The following CFTR variants were observed in gnomAD, a reference collection of about 807,000 sequenced individuals.
CFTR encodes cystic fibrosis transmembrane conductance regulator.
In CFTR, 181 loss-of-function variants were observed where a neutral mutation model predicts 171.6. The observed-to-expected ratio is 1.05, with a 90% CI of 0.93 to 1.19. The LOEUF is 1.19. Ranked by LOEUF, CFTR falls within the 50% of genes most tolerant of loss-of-function variation. The probability of loss-of-function intolerance (pLI) is 0.00; values close to 1 mark genes in which losing one functional copy is unlikely to be tolerated. For synonymous variants in CFTR, 583 were observed against 608.0 expected (o/e 0.96, Z 0.60); for missense variants, 1,968 against 1,734.7 (o/e 1.13, Z -2.39).
chr7:117,607,171 A>G (rs1342888747), intron 18 of CFTR, among the ~76,000 whole-genome samples: 1 of 152,208 alleles, frequency 6.6e-6, no homozygotes, highest in African/African-American at 2.4e-5. Context: ...AGCCTCACCC[A>G]TGAACACTTT....
At chr7:117,545,499 C>G (rs1799125222) in intron 9 of CFTR, among the ~76,000 whole-genome samples, 2 of 152,138 alleles carry the variant, frequency 1.3e-5, no homozygotes, top group African/African-American at 4.8e-5. Context: ...AAATTTCCTG[C>G]GTGTACCTCA....
At chr7:117,523,598 T>C (rs893742988) in intron 3 of CFTR, among the ~76,000 whole-genome samples, 4 of 152,058 alleles carry the variant, frequency 2.6e-5, no homozygotes, top group Admixed American at 6.5e-5. Context: ...AGGACGGTCT[T>C]GATCTCCTGA....
In CFTR at chr7:117,650,169, T is replaced by A. The variant is rs1292579682; in HGVS notation, c.3874-2673T>A. Among the ~76,000 whole-genome samples, 3 of 152,300 alleles carry A rather than the reference T, an allele frequency of 2.0e-5. No homozygotes were observed. The East Asian group carries it at 5.8e-4, about 29-fold the overall frequency. ...TTAAAAGGTCAATGAAATGTTCTAA[T>A]TTCTGTTGTAGTGAATTGCTTTGAT... On this transcript the variant is annotated intron_variant, in intron 23 of 26. Coordinates refer to ENST00000003084, the MANE Select transcript of CFTR (RefSeq NM_000492.4).
Position 117,612,023 on chromosome 7 carries a change from G to GTATGTATA in CFTR, c.3367+218_3367+219insGTATATAT, listed in dbSNP as rs1554392388. 4.7e-4 allele frequency among the ~76,000 whole-genome samples: 25 copies of GTATGTATA among 53,226 alleles called. 2 individuals carry two copies. The highest frequency in any genetic ancestry group is 2.5e-3 in the African/African-American group (22 of 8,974). 34.9% of individuals were successfully genotyped at this position (53,226 alleles called of 152,430 possible). ...TGAAATCGGATATATATATATATAT[G>GTATGTATA]TATATATATATATATATATATATAT... On this transcript the variant is annotated intron_variant, in intron 20 of 26. Transcript: ENST00000003084.
At chr7:117,582,814 C>A (rs1436051249) in intron 11 of CFTR, among the ~76,000 whole-genome samples, 1 of 152,140 alleles carries the variant, frequency 6.6e-6, no homozygotes, top group East Asian at 1.9e-4. Flanking sequence ...TTTTCCTCAA[C>A]AAGCTTTAAG....
At chr7:117,584,824 T>C (rs6969578) in intron 11 of CFTR, among the ~76,000 whole-genome samples, 6,913 of 152,232 alleles carry the variant, frequency 0.045, 533 homozygotes, top group African/African-American at 0.16. Flanking sequence ...TTCCATTTGT[T>C]TGTGTCACCT....
chr7:117,542,163 T>TGAATATGGATTTCATCC, intron 9 of CFTR, 55 bp downstream of exon 9: 1 of 847,212 alleles, frequency 1.2e-6, no homozygotes, highest in Non-Finnish European at 2.1e-6. Context: ...TTCTTCTTTG[T>TGAATATGGATTTCATCC]GAATATGGAT....
chr7:117,562,746 G>A (rs1712617821), intron 11 of CFTR, among the ~76,000 whole-genome samples: 1 of 152,154 alleles, frequency 6.6e-6, no homozygotes, highest in African/African-American at 2.4e-5. Flanking sequence ...GGTACCCTTA[G>A]GGCACTACAG....
intron 11 of CFTR, among the ~76,000 whole-genome samples, chr7:117,563,115 T>C (rs1791544174): frequency 6.6e-6 from 1 of 152,134 alleles, no homozygotes; most frequent in Non-Finnish European, 1.5e-5. Flanking sequence ...GCTTTGTGAA[T>C]AGCAGAAAGA....
intron 6 of CFTR, among the ~76,000 whole-genome samples, chr7:117,536,038 C>T (rs1798949202): frequency 6.6e-6 from 1 of 152,116 alleles, no homozygotes; most frequent in African/African-American, 2.4e-5. Context: ...TTTTACTACT[C>T]TGGTTTATGG....
chr7:117,494,718 G>A (rs1253047929), intron 1 of CFTR, among the ~76,000 whole-genome samples: 5 of 151,986 alleles, frequency 3.3e-5, no homozygotes, highest in Non-Finnish European at 5.9e-5. Flanking sequence ...AAAAAGAGAG[G>A]AAATACCAAA....
rs1436553725 is a variant in CFTR, at chr7:117,667,536, A to C, written c.*428A>C. 6.9e-6 allele frequency: 2 copies of C among 289,376 alleles called. No individual in the cohort carries two copies. Among genetic ancestry groups the C allele is most frequent in the East Asian group, 1.8e-4 (2 of 11,414 alleles). 17.9% of individuals were successfully genotyped at this position (289,376 alleles called of 1,614,324 possible). On this transcript the variant is annotated 3_prime_UTR_variant, in exon 27 of 27. Transcript: ENST00000003084. ...TTAGGGTTATGATTAAGTAATGATA[A>C]CTGGAAACTTCAGCGGTTTATATAA...
chr7:117,654,956 G>T (rs1005335767), intron 24 of CFTR, among the ~76,000 whole-genome samples: 2 of 152,152 alleles, frequency 1.3e-5, no homozygotes, highest in South Asian at 4.1e-4. Flanking sequence ...AATGGCTTTG[G>T]AGTCATTCTT....
rs1793423068 is a variant in CFTR at position 117,668,559 on chromosome 7, G to A, written c.*1451G>A. 1 of 152,592 alleles carries A rather than the reference G, an allele frequency of 6.6e-6. No homozygotes were observed. The highest frequency in any genetic ancestry group is 1.5e-5 in the Non-Finnish European group (1 of 68,038). The allele number at this position is 152,592 out of a possible 1,614,324, so 9.5% of individuals were successfully genotyped here. A position where few individuals can be genotyped will look rare whatever the true frequency, so the allele number is the denominator to read the frequency against. On this transcript the variant is annotated 3_prime_UTR_variant, in exon 27 of 27. Transcript: ENST00000003084. ...CCACCAGTCTGACTGTTTCCATCAAGGGTACACTGCCTTCTCAACTCCAAA... is the reference window on the plus strand; with the variant it reads ...CCACCAGTCTGACTGTTTCCATCAAAGGTACACTGCCTTCTCAACTCCAAA...
chr7:117,518,439 ATAT>A (rs1798632556), intron 3 of CFTR, among the ~76,000 whole-genome samples: 2 of 147,440 alleles, frequency 1.4e-5, no homozygotes, highest in South Asian at 2.1e-4. Context: ...GCTATATTAT[ATAT>A]TATTAACATA....
At chr7:117,579,726 T>TA (rs1791823786) in intron 11 of CFTR, among the ~76,000 whole-genome samples, 2 of 128,972 alleles carry the variant, frequency 1.6e-5, no homozygotes, top group South Asian at 2.4e-4. Context: ...AATACAGGAA[T>TA]AAAAAAATGG....
chr7:117,618,409 A>G (rs984439799), intron 21 of CFTR, among the ~76,000 whole-genome samples: 2 of 151,782 alleles, frequency 1.3e-5, no homozygotes, highest in Non-Finnish European at 2.9e-5. Context: ...TGAACCTGGG[A>G]GGTGGAGGTT....
intron 3 of CFTR, among the ~76,000 whole-genome samples, chr7:117,525,006 A>T (rs1285616201): frequency 4.6e-5 from 7 of 152,228 alleles, no homozygotes; most frequent in Non-Finnish European, 1.0e-4. Flanking sequence ...ACATACATAA[A>T]ATAATATACA....
At chr7:117,529,462 C>T (rs1584784226) in intron 3 of CFTR, among the ~76,000 whole-genome samples, 1 of 126,174 alleles carries the variant, frequency 7.9e-6, no homozygotes, top group African/African-American at 3.1e-5. Flanking sequence ...CACATGTATA[C>T]ATATGTAACT....
Sources: allele counts gnomAD v4.1 joint callset (sites outside exome capture counted in the v4.1 genomes callset), GRCh38; gene constraint gnomAD v4.1.1; transcripts MANE v1.5; gene names NCBI Gene and HGNC (gene_info 2026-07-23, HGNC 2026-07-21).